Variants in PCSK2 observed in about 807,000 individuals in gnomAD.
PCSK2 encodes neuroendocrine convertase 2.
In PCSK2, 14 loss-of-function variants were observed where a neutral mutation model predicts 69.7. The ratio of observed to expected loss-of-function variants is 0.20; its 90% CI spans 0.13 to 0.31. PCSK2 has a LOEUF of 0.31. PCSK2 is among the 10% of genes least tolerant of loss of function. PCSK2 has a pLI of 1.00. For missense variants in PCSK2, 544 were observed against 842.5 expected (o/e 0.65, Z 4.39); for synonymous variants, 307 against 320.7 (o/e 0.96, Z 0.46).
At chr20:17,423,721 A>G (rs1293061514) in intron 6 of PCSK2, among the ~76,000 whole-genome samples, 1 of 152,246 alleles carries the variant, frequency 6.6e-6, no homozygotes, top group Non-Finnish European at 1.5e-5. Context: ...TTATGGAAAA[A>G]AAGGCTTAAT....
At chr20:17,463,106 GT>G (rs2033039896) in intron 10 of PCSK2, among the ~76,000 whole-genome samples, 2 of 150,652 alleles carry the variant, frequency 1.3e-5, no homozygotes, top group African/African-American at 4.9e-5. Context: ...AAAGTTCCTT[GT>G]TCTGAAACAT....
At chr20:17,274,285 C>T (rs141623751) in intron 2 of PCSK2, among the ~76,000 whole-genome samples, 24 of 152,216 alleles carry the variant, frequency 1.6e-4, no homozygotes, top group Middle Eastern at 3.4e-3. Flanking sequence ...GGATACACCC[C>T]GGGATGCTTC....
intron 7 of PCSK2, among the ~76,000 whole-genome samples, chr20:17,432,190 TTCATAAATTTTTC>T (rs1308414545): frequency 1.3e-5 from 2 of 152,338 alleles, no homozygotes; most frequent in African/African-American, 4.8e-5. Flanking sequence ...TCCTCTTCTG[TTCATAAATTTTTC>T]TCATTTTTCC....
chr20:17,316,594 C>T (rs1407920327), intron 2 of PCSK2, among the ~76,000 whole-genome samples: 1 of 152,150 alleles, frequency 6.6e-6, no homozygotes, highest in African/African-American at 2.4e-5. Context: ...GTGCTGGCAA[C>T]CCAGAATCCT....
chr20:17,291,653 G>C (rs993523289), intron 2 of PCSK2, among the ~76,000 whole-genome samples: 6 of 152,120 alleles, frequency 3.9e-5, no homozygotes, highest in East Asian at 1.9e-4. Context: ...TTATATTTAT[G>C]GTACTTCTGA....
intron 5 of PCSK2, among the ~76,000 whole-genome samples, chr20:17,390,315 A>T (rs1239904937): frequency 1.3e-5 from 2 of 152,348 alleles, no homozygotes; most frequent in African/African-American, 4.8e-5. Flanking sequence ...AGTGTCCACT[A>T]TCTTGATTGG....
intron 2 of PCSK2, among the ~76,000 whole-genome samples, chr20:17,268,981 A>T (rs149360543): frequency 9.2e-5 from 14 of 152,172 alleles, no homozygotes; most frequent in Admixed American, 7.2e-4. Flanking sequence ...GGCAAAGGTG[A>T]CTCCTAAGTT....
At chr20:17,255,751 T>C (rs1302902324) in intron 1 of PCSK2, among the ~76,000 whole-genome samples, 3 of 152,220 alleles carry the variant, frequency 2.0e-5, no homozygotes, top group Non-Finnish European at 4.4e-5. Context: ...TCTATTGATA[T>C]ATTTATTATA....
Position 17,465,455 on chromosome 20 carries a change from C to T in PCSK2, c.1332C>T (p.Tyr444=), listed in dbSNP as rs765711439. ...VGLEFNHLFG[Y]GVLDAGAMVK... ...TGGAATTTAATCACCTCTTTGGCTA[C>T]GGGGTCCTTGATGCAGGTGCCATGG... Residue 444 remains tyrosine (Y), a synonymous_variant, in exon 11 of 12, where the codon TAC becomes TAT. Transcript: ENST00000262545. The T allele has an allele frequency of 1.5e-5, 25 of 1,613,900 alleles. No individual in the cohort carries two copies. The highest frequency in any genetic ancestry group is 2.2e-5 in the East Asian group (1 of 44,876).
rs748365888 is a variant in PCSK2 at position 17,453,750 on chromosome 20, C to T, written c.894C>T (p.Gly298=). The part of the protein sequence containing the change: ...AMADGVNKGR[G]GKGSIYVWAS... ...TCCCCTGCTCTCCCCAGGGCCGCGG[C>T]GGCAAAGGCAGCATCTACGTGTGGG... is the stretch of plus-strand genomic sequence containing the variant. Residue 298 remains glycine, a synonymous_variant, in exon 9 of 12, where the codon GGC becomes GGT. Transcript: ENST00000262545. This position sits in a 1 kb window ranked among gnomAD's most constrained non-coding sequence, Gnocchi z 4.0. 95 of 1,613,194 alleles carry T rather than the reference C, an allele frequency of 5.9e-5. 1 individual carries two copies. In the South Asian group the frequency reaches 8.0e-4, roughly 14 times the overall value.
chr20:17,371,332 G>A (rs563789886), intron 5 of PCSK2, among the ~76,000 whole-genome samples: 2 of 152,290 alleles, frequency 1.3e-5, no homozygotes, highest in East Asian at 3.9e-4. Context: ...ATCCTCTGGG[G>A]TTCCAGTGAG....
chr20:17,243,324 C>T (rs1408292813), intron 1 of PCSK2, among the ~76,000 whole-genome samples: 1 of 152,076 alleles, frequency 6.6e-6, no homozygotes, highest in East Asian at 1.9e-4. Flanking sequence ...CCTCAGCCTC[C>T]CAAGTAGCTA....
rs374479336 is a variant in PCSK2, at chr20:17,296,121, A to G, written c.282+35777A>G. Among the ~76,000 whole-genome samples the G allele has an allele frequency of 2.0e-5, 3 of 152,300 alleles. No homozygotes were observed. In the South Asian group the frequency reaches 6.2e-4, roughly 32 times the overall value. ...TTTACTGCTCCAGCCTCTGATGGCCAATGAGCAGAAATGTGACTGCCAGTG... is the reference window on the plus strand; with the variant it reads ...TTTACTGCTCCAGCCTCTGATGGCCGATGAGCAGAAATGTGACTGCCAGTG... On this transcript the variant is annotated intron_variant, in intron 2 of 11. Transcript: ENST00000262545.
At chr20:17,283,794 C>T (rs1988409056) in intron 2 of PCSK2, among the ~76,000 whole-genome samples, 1 of 152,204 alleles carries the variant, frequency 6.6e-6, no homozygotes, top group Non-Finnish European at 1.5e-5. Context: ...CTTCACGTTG[C>T]TTACCCTACC....
At chr20:17,426,413 G>A (rs543901186) in intron 6 of PCSK2, among the ~76,000 whole-genome samples, 1 of 152,308 alleles carries the variant, frequency 6.6e-6, no homozygotes, top group East Asian at 1.9e-4. Flanking sequence ...CTTCATAGCA[G>A]TGTGAAAACA....
At chr20:17,238,442 G>C (rs1986425012) in intron 1 of PCSK2, among the ~76,000 whole-genome samples, 2 of 152,090 alleles carry the variant, frequency 1.3e-5, no homozygotes, top group Non-Finnish European at 2.9e-5. Flanking sequence ...AGGGATCCTA[G>C]AAAGACATTA....
chr20:17,317,706 G>T (rs1435374955), intron 2 of PCSK2, among the ~76,000 whole-genome samples: 1 of 151,876 alleles, frequency 6.6e-6, no homozygotes, highest in East Asian at 1.9e-4. Context: ...TGAAAGAGTA[G>T]AAATAAGAAG....
chr20:17,476,577 A>G (rs774415297), intron 11 of PCSK2, among the ~76,000 whole-genome samples: 1 of 152,220 alleles, frequency 6.6e-6, no homozygotes, highest in African/African-American at 2.4e-5. Flanking sequence ...GTATATACAC[A>G]TATAGACACG....
At chr20:17,390,524 T>A (rs2031345622) in intron 5 of PCSK2, among the ~76,000 whole-genome samples, 1 of 152,168 alleles carries the variant, frequency 6.6e-6, no homozygotes, top group South Asian at 2.1e-4. Flanking sequence ...CCTGCCCATG[T>A]CTTGCCTCAG....
Sources: allele counts gnomAD v4.1 joint callset (sites outside exome capture counted in the v4.1 genomes callset), GRCh38; gene constraint gnomAD v4.1.1; non-coding constraint Gnocchi (gnomAD v3.1); transcripts MANE v1.5; gene names NCBI Gene and HGNC (gene_info 2026-07-23, HGNC 2026-07-21).